Variants in SYTL2 observed in about 807,000 individuals in gnomAD.
The protein encoded by SYTL2 is synaptotagmin-like protein 2.
A neutral mutation model predicts 198.7 loss-of-function variants in SYTL2; 165 were observed. That is an observed-to-expected ratio of 0.83 (90% CI 0.73 to 0.94). SYTL2 has a LOEUF of 0.94. Ranked by LOEUF, SYTL2 falls within the 40% of genes least tolerant of loss-of-function variation. SYTL2 has a pLI of 0.00. For missense variants in SYTL2, 2,835 were observed against 2,582.8 expected (o/e 1.10, Z -2.12); for synonymous variants, 966 against 917.7 (o/e 1.05, Z -0.95).
chr11:85,800,138 G>A (rs928653126), intron 1 of SYTL2, among the ~76,000 whole-genome samples: 1 of 152,050 alleles, frequency 6.6e-6, no homozygotes, highest in Non-Finnish European at 1.5e-5. Flanking sequence ...CATCAGTTTT[G>A]GTGCTTTGGT....
rs147310562 is a variant in SYTL2 at position 85,743,711 on chromosome 11, C to T, written c.389+1926G>A. ...AGTGGGAGAATACCCACCAGCCCCA[C>T]GGTTCATGAAGAAAAAGTTAGGCTA... On this transcript the variant is annotated intron_variant, in intron 4 of 19. Coordinates refer to ENST00000359152, the MANE Select transcript of SYTL2 (RefSeq NM_206927.4). 5.1e-4 allele frequency among the ~76,000 whole-genome samples: 77 copies of T among 152,242 alleles called. 1 individual carries two copies. Among genetic ancestry groups the T allele is most frequent in the African/African-American group, 8.9e-4 (37 of 41,536 alleles).
chr11:85,771,267 G>A (rs140482857), intron 1 of SYTL2, among the ~76,000 whole-genome samples: 75 of 152,306 alleles, frequency 4.9e-4, no homozygotes, highest in African/African-American at 1.6e-3. Context: ...GAGAGCAGGG[G>A]AGAAGCACAC....
rs1233839680 is a variant in SYTL2, at chr11:85,726,553, T to C, written c.2805A>G (p.Ser935=). ...GAGCATGTCGTTCACTCCCGACATTTGAGGGAGGTTGCAGTGCTGGTAAAG... is the reference window on the plus strand; with the variant it reads ...GAGCATGTCGTTCACTCCCGACATTCGAGGGAGGTTGCAGTGCTGGTAAAG... ...NITLPALQPP[S]NVGSERHAPL... is the part of the protein sequence containing the mutation. Residue 935 remains serine (S), a synonymous_variant, in exon 8 of 20, where the codon TCA becomes TCG. Transcript: ENST00000359152. The C allele has an allele frequency of 1.3e-6, 2 of 1,596,730 alleles. No individual in the cohort carries two copies. The highest frequency in any genetic ancestry group is 1.7e-6 in the Non-Finnish European group (2 of 1,177,482).
chr11:85,706,703 A>G (rs1377219421), intron 15 of SYTL2, among the ~76,000 whole-genome samples: 4 of 152,212 alleles, frequency 2.6e-5, no homozygotes, highest in African/African-American at 4.8e-5. Context: ...ACTGGTGTGC[A>G]TGTTAAGAAA....
rs374664800 is a variant in SYTL2 at position 85,724,233 on chromosome 11, C to T, written c.5125G>A (p.Ala1709Thr). ...TGCCTATTTCTGGACACACTAATTG[C>T]TTCAGAAGCCTCTCCAAAGCCAGGT... is the stretch of plus-strand genomic sequence containing the variant. Reference protein sequence around the residue: ...QEPGFGEASEAISVSRNRQPI... With the variant: ...QEPGFGEASETISVSRNRQPI... Residue 1709 changes from alanine to threonine, a missense_variant, in exon 8 of 20, where the codon GCA becomes ACA. Physicochemically the swap from Ala to Thr is moderately conservative, Grantham distance 58. Coordinates refer to ENST00000359152, the MANE Select transcript of SYTL2 (RefSeq NM_206927.4). 6.4e-7 allele frequency: 1 copy of T among 1,570,776 alleles called. No individual in the cohort carries two copies. The highest frequency in any genetic ancestry group is 8.6e-7 in the Non-Finnish European group (1 of 1,165,396).
At position 85,734,574 on chromosome 11, in the gene SYTL2, T is replaced by C; in HGVS notation, c.755A>G (p.Asp252Gly). The C allele has an allele frequency of 6.2e-7, 1 of 1,614,230 alleles. No individual in the cohort carries two copies. The highest frequency in any genetic ancestry group is 1.1e-5 in the South Asian group (1 of 91,084). ...IYKSTDLNKD[D>G]NQSFPRQRTD... ...CCTTTGTCTAGGAAAAGACTGGTTA[T>C]CATCTTTGTTTAAATCAGTTGATTT... Residue 252 changes from aspartate to glycine, a missense_variant, in exon 7 of 20, where the codon GAT (aspartate) becomes GGT (glycine). Asp to Gly is a moderately conservative substitution (Grantham distance 94). Transcript: ENST00000359152.
At chr11:85,738,687 G>A (rs2090547215) in intron 4 of SYTL2, among the ~76,000 whole-genome samples, 1 of 152,134 alleles carries the variant, frequency 6.6e-6, no homozygotes, top group Non-Finnish European at 1.5e-5. Flanking sequence ...GAAGCCAGTG[G>A]GTGATATGAG....
intron 12 of SYTL2, among the ~76,000 whole-genome samples, chr11:85,713,643 C>T (rs1285480912): frequency 6.6e-6 from 1 of 152,184 alleles, no homozygotes; most frequent in Non-Finnish European, 1.5e-5. Context: ...GTTATTTAAC[C>T]TCTCTGCGGC....
intron 1 of SYTL2, among the ~76,000 whole-genome samples, chr11:85,773,711 T>C (rs1212631905): frequency 6.6e-6 from 1 of 152,236 alleles, no homozygotes; most frequent in African/African-American, 2.4e-5. Context: ...ATTCATTTTA[T>C]AGTGTTATTC....
intron 7 of SYTL2, among the ~76,000 whole-genome samples, chr11:85,728,815 T>C (rs1275087076): frequency 6.6e-6 from 1 of 152,176 alleles, no homozygotes; most frequent in Non-Finnish European, 1.5e-5. Context: ...ATCCACAATA[T>C]TTAAATGGGA....
the SYTL2 span, among the ~76,000 whole-genome samples, chr11:85,837,018 C>T: frequency 3.7e-3 from 558 of 152,318 alleles, 2 homozygotes; most frequent in African/African-American, 0.013. Context: ...TTGCTCCTTT[C>T]TGTAATTAAC....
chr11:85,821,356 T>TC, the SYTL2 span, among the ~76,000 whole-genome samples: 2 of 150,854 alleles, frequency 1.3e-5, no homozygotes, highest in African/African-American at 4.9e-5. Context: ...ACTCCAGGAG[T>TC]CAAAAAAGGG....
chr11:85,831,788 C>T, the SYTL2 span, among the ~76,000 whole-genome samples: 44 of 151,878 alleles, frequency 2.9e-4, no homozygotes, highest in Admixed American at 2.9e-3. Context: ...CAGATTTGAC[C>T]ACAACAAAAA....
intron 14 of SYTL2, 93 bp downstream of exon 14, chr11:85,709,237 CT>C: frequency 8.1e-7 from 1 of 1,230,130 alleles, no homozygotes; most frequent in South Asian, 1.3e-5. Context: ...AACACATACC[CT>C]CCCTCCTCTT....
chr11:85,780,166 C>T (rs2153599331), intron 1 of SYTL2, among the ~76,000 whole-genome samples: 1 of 152,316 alleles, frequency 6.6e-6, no homozygotes, highest in Middle Eastern at 3.4e-3. Context: ...GTAAAACCAT[C>T]CCAAAGTCTG....
Position 85,717,467 on chromosome 11 carries a change from A to C in SYTL2, c.5530+16T>G. ...TGGAATGTTTAGTCATTTGTGAGAAAGATCCTGCTACTCACTTCTTGGTAC... is the reference window on the plus strand; with the variant it reads ...TGGAATGTTTAGTCATTTGTGAGAACGATCCTGCTACTCACTTCTTGGTAC... On this transcript the variant is annotated intron_variant, in intron 11 of 19. Coordinates refer to ENST00000359152, the MANE Select transcript of SYTL2 (RefSeq NM_206927.4). The C allele has an allele frequency of 6.2e-7, 1 of 1,609,632 alleles. No individual in the cohort carries two copies. The highest frequency in any genetic ancestry group is 8.5e-7 in the Non-Finnish European group (1 of 1,176,236).
intron 2 of SYTL2, among the ~76,000 whole-genome samples, chr11:85,751,335 T>TC (rs2153534160): frequency 6.6e-6 from 1 of 152,328 alleles, no homozygotes; most frequent in South Asian, 2.1e-4. Flanking sequence ...AATCCCACTA[T>TC]CTAGTGCTGC....
At chr11:85,707,628 A>G in intron 14 of SYTL2, 97 bp from the exon 15 acceptor site, 1 of 801,194 alleles carries the variant, frequency 1.2e-6, no homozygotes, top group East Asian at 2.5e-5. Context: ...AGCAGAAATA[A>G]TTATTTCATG....
chr11:85,784,402 G>T (rs1428774644), intron 1 of SYTL2, among the ~76,000 whole-genome samples: 1 of 151,748 alleles, frequency 6.6e-6, no homozygotes, highest in African/African-American at 2.4e-5. Flanking sequence ...CCTCATTAAT[G>T]TCTTGCAAAA....
Sources: allele counts gnomAD v4.1 joint callset (sites outside exome capture counted in the v4.1 genomes callset), GRCh38; gene constraint gnomAD v4.1.1; transcripts MANE v1.5; gene names NCBI Gene and HGNC (gene_info 2026-07-23, HGNC 2026-07-21).